The following CECR2 variants were observed in gnomAD, a reference collection of about 807,000 sequenced individuals.
CECR2 encodes the protein chromatin remodeling regulator CECR2.
CECR2 carries 30 observed loss-of-function variants against 154.5 expected under a neutral mutation model. That is an observed-to-expected ratio of 0.19 (90% CI 0.15 to 0.26). The LOEUF is 0.26. CECR2 is among the 10% of genes least tolerant of loss of function. The probability of loss-of-function intolerance (pLI) is 1.00; values close to 1 mark genes in which losing one functional copy is unlikely to be tolerated. For synonymous variants in CECR2, 725 were observed against 683.7 expected, an observed-to-expected ratio of 1.06 and a Z score of -0.94; for missense variants, 1,743 against 1,829.3, an observed-to-expected ratio of 0.95 and a Z score of 0.86.
Position 17,477,659 on chromosome 22 carries a change from C to G in CECR2, c.198C>G (p.Gly66=). The G allele has an allele frequency of 1.2e-6, 2 of 1,611,656 alleles. No individual in the cohort carries two copies. The highest frequency in any genetic ancestry group is 1.7e-6 in the Non-Finnish European group (2 of 1,177,818). The change falls in exon 2 of 19, where the codon GGC becomes GGG. Residue 66 remains glycine, a synonymous_variant. Transcript: ENST00000262608. ...ACCTGATTGCCTGCCTGCTTCAGGG[C>G]TGCTATCAACGAAGAGATATCACGT... ...ISDLIACLLQ[G]CYQRRDITPQ...
intron 1 of CECR2, among the ~76,000 whole-genome samples, chr22:17,465,195 A>G (rs2055009655): frequency 6.6e-6 from 1 of 151,826 alleles, no homozygotes; most frequent in Non-Finnish European, 1.5e-5. Flanking sequence ...ACGGGGTTTC[A>G]CCGTGTTAGC....
At chr22:17,401,439 T>C (rs762830308) in intron 1 of CECR2, among the ~76,000 whole-genome samples, 14 of 152,160 alleles carry the variant, frequency 9.2e-5, no homozygotes, top group Non-Finnish European at 1.9e-4. Flanking sequence ...GGGTGTGATA[T>C]CCTTGTGTCC....
At chr22:17,391,067 GTGTCATGAGAGTCTACCCC>G (rs2063320645) in intron 1 of CECR2, among the ~76,000 whole-genome samples, 1 of 152,222 alleles carries the variant, frequency 6.6e-6, no homozygotes, top group South Asian at 2.1e-4. Context: ...TAAGTCGACT[GTGTCATGAGAGTCTACCCC>G]TTCATAGTTT....
At chr22:17,505,246 C>T (rs2055817848) in intron 7 of CECR2, among the ~76,000 whole-genome samples, 1 of 152,060 alleles carries the variant, frequency 6.6e-6, no homozygotes, top group African/African-American at 2.4e-5. Context: ...CTACCACCCA[C>T]CAATAGTGAC....
intron 1 of CECR2, among the ~76,000 whole-genome samples, chr22:17,443,084 T>G (rs2054608696): frequency 6.6e-6 from 1 of 152,232 alleles, no homozygotes; most frequent in Non-Finnish European, 1.5e-5. Flanking sequence ...CTGGTGTGTT[T>G]CTTTGTACTG....
intron 1 of CECR2, among the ~76,000 whole-genome samples, chr22:17,405,454 A>G (rs976745068): frequency 1.7e-5 from 2 of 117,752 alleles, no homozygotes; most frequent in Non-Finnish European, 3.7e-5. Context: ...GATAAAATAA[A>G]AAATATAAAA....
At chr22:17,552,793 C>G in intron 18 of CECR2, 42 bp from the exon 19 acceptor site, 1 of 747,158 alleles carries the variant, frequency 1.3e-6, no homozygotes, top group Non-Finnish European at 1.8e-6. Flanking sequence ...TTTTTAACAA[C>G]CCAATTTTTA....
chr22:17,492,915 G>C (rs1665998957), intron 2 of CECR2, among the ~76,000 whole-genome samples: 1 of 152,052 alleles, frequency 6.6e-6, no homozygotes, highest in African/African-American at 2.4e-5. Flanking sequence ...GTACACATTA[G>C]TTTTTAGCAG....
At chr22:17,426,348 ATTCTT>A (rs2054329668) in intron 1 of CECR2, among the ~76,000 whole-genome samples, 1 of 152,012 alleles carries the variant, frequency 6.6e-6, no homozygotes, top group Admixed American at 6.6e-5. Context: ...AAATGGTTCT[ATTCTT>A]TTAATTTTTT....
At chr22:17,534,224 T>C (rs1172291813) in intron 9 of CECR2, among the ~76,000 whole-genome samples, 2 of 151,242 alleles carry the variant, frequency 1.3e-5, no homozygotes, top group African/African-American at 4.9e-5. Context: ...CACTCAGGAG[T>C]CTGATGTGGG....
intron 16 of CECR2, 83 bp downstream of exon 16, chr22:17,543,086 T>A: frequency 1.4e-6 from 2 of 1,380,478 alleles, no homozygotes; most frequent in Non-Finnish European, 2.0e-6. Flanking sequence ...CCAAGTGTAA[T>A]CTGGTTCCCA....
intron 1 of CECR2, among the ~76,000 whole-genome samples, chr22:17,396,618 T>A (rs1411183565): frequency 6.6e-6 from 1 of 152,192 alleles, no homozygotes; most frequent in Non-Finnish European, 1.5e-5. Flanking sequence ...ATAAAATGGG[T>A]AAGAGTGAAG....
At chr22:17,399,286 A>C (rs764344472) in intron 1 of CECR2, among the ~76,000 whole-genome samples, 1 of 151,972 alleles carries the variant, frequency 6.6e-6, no homozygotes, top group African/African-American at 2.4e-5. Flanking sequence ...GTTTTCTCAT[A>C]TTTTGGTGAG....
chr22:17,537,402 C>A (rs957070452), intron 10 of CECR2, among the ~76,000 whole-genome samples, 170 bp downstream of exon 10: 1 of 152,156 alleles, frequency 6.6e-6, no homozygotes, highest in Admixed American at 6.5e-5. Flanking sequence ...CTACCCTGGC[C>A]TCTGACACTC....
rs71200271 is a variant in CECR2, at chr22:17,394,197, C to CTTT, written c.126+24312_126+24314dup. On this transcript the variant is annotated intron_variant, in intron 1 of 18. Transcript: ENST00000262608. ...CCACCGCGCCCAGCTGCTGCCGCTGCTTTTTTTTTTTTTTTTTTTTTTTTT... is the reference window on the plus strand; with the variant it reads ...CCACCGCGCCCAGCTGCTGCCGCTGCTTTTTTTTTTTTTTTTTTTTTTTTTTTT... Among the ~76,000 whole-genome samples, 54 of 97,082 alleles carry CTTT rather than the reference C, an allele frequency of 5.6e-4. 11 individuals are homozygous for CTTT. The highest frequency in any genetic ancestry group is 1.2e-3 in the African/African-American group (28 of 23,876). The allele number at this position is 97,082 out of a possible 152,430, so 63.7% of individuals were successfully genotyped here. A position where few individuals can be genotyped will look rare whatever the true frequency, so the allele number is the denominator to read the frequency against.
intron 2 of CECR2, among the ~76,000 whole-genome samples, chr22:17,482,997 G>C (rs1375007817): frequency 1.3e-5 from 2 of 152,036 alleles, no homozygotes; most frequent in Non-Finnish European, 2.9e-5. Context: ...TTTTTAAAAA[G>C]TTAACTATAA....
At chr22:17,415,933 G>T (rs977471586) in intron 1 of CECR2, among the ~76,000 whole-genome samples, 5 of 152,180 alleles carry the variant, frequency 3.3e-5, no homozygotes, top group African/African-American at 1.2e-4. Flanking sequence ...GTTCACTGGA[G>T]ATTTGAGGGC....
intron 18 of CECR2, among the ~76,000 whole-genome samples, chr22:17,552,403 CAAA>C: frequency 6.6e-6 from 1 of 152,282 alleles, no homozygotes. Context: ...AAGCCATCTG[CAAA>C]CATTTTTTCT....
intron 1 of CECR2, among the ~76,000 whole-genome samples, chr22:17,383,092 G>A (rs1392440864): frequency 2.6e-5 from 4 of 152,088 alleles, no homozygotes; most frequent in Non-Finnish European, 4.4e-5. Context: ...CGGGCACGGT[G>A]GCGGGCACCT....
Sources: gnomAD v4.1 joint callset for allele counts (sites outside exome capture counted in the v4.1 genomes callset) on GRCh38, gnomAD v4.1.1 for gene constraint, MANE v1.5 for transcripts, NCBI Gene and HGNC (gene_info 2026-07-23, HGNC 2026-07-21) for gene names.